PTGER3: variants seen among roughly 807,000 people sequenced by gnomAD.
PTGER3 encodes the protein prostaglandin E2 receptor EP3 subtype.
Under a neutral mutation model 34.7 loss-of-function variants are expected in PTGER3, and 22 were observed. The observed-to-expected ratio is 0.63, with a 90% CI of 0.45 to 0.91. The LOEUF is 0.91. Ranked by LOEUF, PTGER3 falls within the 40% of genes least tolerant of loss-of-function variation. PTGER3 has a pLI of 0.00. For synonymous variants in PTGER3, 241 were observed against 230.1 expected, an observed-to-expected ratio of 1.05 and a Z score of -0.43; for missense variants, 468 against 519.4, an observed-to-expected ratio of 0.90 and a Z score of 0.96.
At chr1:70,875,967 G>A (rs1399333181) in intron 4 of PTGER3, among the ~76,000 whole-genome samples, 1 of 152,162 alleles carries the variant, frequency 6.6e-6, no homozygotes, top group African/African-American at 2.4e-5. Context: ...TAATGGGATT[G>A]CTGGGTTGAT....
chr1:70,976,625 CCAAGGCAAAT>C (rs1396928065), intron 2 of PTGER3, among the ~76,000 whole-genome samples: 9 of 152,132 alleles, frequency 5.9e-5, no homozygotes, highest in Non-Finnish European at 1.3e-4. Context: ...CATATTGTTT[CCAAGGCAAAT>C]CTTGGCAAAT....
rs1657418931 is a variant in PTGER3, at chr1:71,011,267, T to A, written c.1077+1038A>T. On this transcript the variant is annotated intron_variant, in intron 2 of 3. Coordinates refer to ENST00000306666, the MANE Select transcript of PTGER3 (RefSeq NM_198719.2). ...GAAGAGCTGTGAAGGGTCAATGTTA[T>A]TAACTTTCTTATATAAATAGGCCAA... 5.1e-6 allele frequency: 5 copies of A among 985,178 alleles called. No individual in the cohort carries two copies. In the African/African-American group the frequency reaches 7.0e-5, roughly 14 times the overall value. 61.0% of individuals were successfully genotyped at this position (985,178 alleles called of 1,614,324 possible).
At chr1:70,944,136 A>G (rs1650009439) in intron 4 of PTGER3, among the ~76,000 whole-genome samples, 1 of 152,142 alleles carries the variant, frequency 6.6e-6, no homozygotes, top group Non-Finnish European at 1.5e-5. Context: ...GATGCTAGTA[A>G]TAATTATTCA....
downstream of PTGER3, chr1:70,951,344 T>G (rs1650744549): frequency 6.6e-6 from 1 of 152,218 alleles, no homozygotes; most frequent in African/African-American, 2.4e-5. Context: ...TGTTTGCTGA[T>G]TACAAACCTC....
intron 1 of PTGER3, among the ~76,000 whole-genome samples, chr1:71,038,418 A>T (rs758852197): frequency 4.6e-5 from 7 of 152,194 alleles, no homozygotes; most frequent in Non-Finnish European, 8.8e-5. Context: ...TGGAGAATTT[A>T]TCTTGTATCT....
intron 1 of PTGER3, among the ~76,000 whole-genome samples, chr1:71,042,802 T>A (rs1264292957): frequency 6.6e-6 from 1 of 152,170 alleles, no homozygotes; most frequent in East Asian, 1.9e-4. Context: ...CACAACTACA[T>A]TGTGAAATAT....
chr1:71,015,447 G>A (rs1190011017), intron 1 of PTGER3, among the ~76,000 whole-genome samples: 1 of 152,182 alleles, frequency 6.6e-6, no homozygotes, highest in African/African-American at 2.4e-5. Flanking sequence ...TTGGGAAAAA[G>A]GATACTTAAC....
intron 4 of PTGER3, among the ~76,000 whole-genome samples, chr1:70,911,026 G>A (rs796616851): frequency 4.6e-5 from 7 of 151,526 alleles, no homozygotes; most frequent in African/African-American, 1.5e-4. Flanking sequence ...GTTGCAGTAA[G>A]CTGAGATTGC....
rs768212432 is a variant in PTGER3 at position 70,952,895 on chromosome 1, A to AT, written c.*11dup. ...TTTAAAACACAGCACTCCTGTAGTTATTTTCTTCATGTTATTCTGTCTTTA... is the reference window on the plus strand; with the variant it reads ...TTTAAAACACAGCACTCCTGTAGTTATTTTTCTTCATGTTATTCTGTCTTTA... On this transcript the variant is annotated 3_prime_UTR_variant, in exon 4 of 4. Coordinates refer to the PTGER3 transcript ENST00000356595. 5.6e-6 allele frequency: 9 copies of AT among 1,599,002 alleles called. No homozygotes were observed. In the East Asian group the frequency reaches 1.8e-4, roughly 32 times the overall value.
At position 70,863,001 on chromosome 1, in the gene PTGER3, G is replaced by A. The variant is rs1001677570; in HGVS notation, c.*24-10142C>T. On this transcript the variant is annotated intron_variant, in intron 4 of 4. Coordinates refer to the PTGER3 transcript ENST00000370931. ...AAAGTTGGAGAGAGGTCAACAGATC[G>A]GAGACACTTGTAGGATGTAAAGTCA... Among the ~76,000 whole-genome samples, 8 of 152,194 alleles carry A rather than the reference G, an allele frequency of 5.3e-5. No individual in the cohort carries two copies. The South Asian group carries it at 6.2e-4, about 12-fold the overall frequency.
chr1:70,967,225 T>G (rs1333854650), downstream of PTGER3, among the ~76,000 whole-genome samples: 2 of 152,182 alleles, frequency 1.3e-5, no homozygotes, highest in Non-Finnish European at 2.9e-5. Flanking sequence ...ATGCCACCAT[T>G]ACTCACAGTG....
At chr1:70,863,226 A>G (rs568036843) in intron 4 of PTGER3, among the ~76,000 whole-genome samples, 2 of 152,074 alleles carry the variant, frequency 1.3e-5, no homozygotes, top group East Asian at 1.9e-4. Flanking sequence ...CCAAGATGTG[A>G]TCCGGAACAG....
intron 4 of PTGER3, among the ~76,000 whole-genome samples, chr1:70,906,378 T>C (rs114262907): frequency 0.012 from 1,898 of 152,332 alleles, 22 homozygotes; most frequent in Non-Finnish European, 0.02. Flanking sequence ...CCTGGGGAAC[T>C]TGAAAAAGTC....
At chr1:71,038,658 T>A (rs1660027945) in intron 1 of PTGER3, among the ~76,000 whole-genome samples, 2 of 152,206 alleles carry the variant, frequency 1.3e-5, no homozygotes, top group African/African-American at 4.8e-5. Context: ...AGAGAATATC[T>A]GGAAAGGCCA....
At chr1:70,944,594 A>T (rs1272414046) in intron 4 of PTGER3, among the ~76,000 whole-genome samples, 2 of 152,150 alleles carry the variant, frequency 1.3e-5, no homozygotes, top group African/African-American at 4.8e-5. Flanking sequence ...AGTCCAGATA[A>T]ACATGGATAG....
chr1:70,888,858 T>A (rs912186523), intron 4 of PTGER3, among the ~76,000 whole-genome samples: 9 of 152,294 alleles, frequency 5.9e-5, no homozygotes, highest in Admixed American at 2.0e-4. Flanking sequence ...TTCTTTGGGA[T>A]TCGCCTTCCC....
At chr1:70,872,478 G>T (rs1646183350) in intron 4 of PTGER3, among the ~76,000 whole-genome samples, 1 of 152,118 alleles carries the variant, frequency 6.6e-6, no homozygotes, top group Admixed American at 6.5e-5. Flanking sequence ...CCAGGTACTG[G>T]ACTAAGCACT....
At chr1:70,869,401 C>A in intron 4 of PTGER3, 1 of 393,872 alleles carries the variant, frequency 2.5e-6, no homozygotes, top group South Asian at 1.9e-5. Flanking sequence ...TCTTCTCCAC[C>A]CCTAAATCTC....
chr1:70,952,689 T>C (rs1185127569), exon 4 of PTGER3: 22 of 1,188,016 alleles, frequency 1.9e-5, no homozygotes, highest in African/African-American at 3.1e-5. Flanking sequence ...TTACTATAAG[T>C]CTAAATTGGG....
Sources: gnomAD v4.1 joint callset for allele counts (sites outside exome capture counted in the v4.1 genomes callset) on GRCh38, gnomAD v4.1.1 for gene constraint, MANE v1.5 for transcripts, NCBI Gene and HGNC (gene_info 2026-07-23, HGNC 2026-07-21) for gene names.